Variants in MYH3 observed in about 807,000 individuals in gnomAD.
The protein encoded by MYH3 is myosin heavy chain 3.
Under a neutral mutation model 238.0 loss-of-function variants are expected in MYH3, and 130 were observed. The observed-to-expected ratio is 0.55, with a 90% CI of 0.47 to 0.63. The LOEUF (loss-of-function observed/expected upper bound fraction) is 0.63, where lower values mean the gene tolerates loss of function less well. Ranked by LOEUF, MYH3 falls within the 30% of genes least tolerant of loss-of-function variation. The pLI, the probability that MYH3 is intolerant of heterozygous loss-of-function variation, is 0.00. For synonymous variants in MYH3, 880 were observed against 924.1 expected (o/e 0.95, Z 0.86); for missense variants, 1,853 against 2,374.9 (o/e 0.78, Z 4.57).
intron 3 of MYH3, among the ~76,000 whole-genome samples, chr17:10,652,918 G>C (rs2074392748): frequency 6.6e-6 from 1 of 152,042 alleles, no homozygotes; most frequent in Non-Finnish European, 1.5e-5. Context: ...ACCGTGCCTG[G>C]CCTGTCTGCA....
In MYH3 at chr17:10,629,225, T is replaced by C. The variant is rs56276990; in HGVS notation, c.5796+372A>G. ...CCCCGGTGTGTGATGTTCCCCTCCC[T>C]GTGTCCACGTGTTCTCACTGTTCAA... On this transcript the variant is annotated intron_variant, in intron 40 of 40. Transcript: ENST00000583535. Among the ~76,000 whole-genome samples, 918 of 151,516 alleles carry C rather than the reference T, an allele frequency of 6.1e-3. 7 individuals are homozygous for C. The highest frequency in any genetic ancestry group is 0.01 in the Non-Finnish European group (686 of 67,844).
At chr17:10,660,126 T>C (rs957684005), upstream of MYH3, among the ~76,000 whole-genome samples, 16 of 152,330 alleles carry the variant, frequency 1.1e-4, no homozygotes, top group African/African-American at 3.8e-4. Context: ...CTTCGTCTTC[T>C]CCTCTGTAAA....
At position 10,646,736 on chromosome 17, in the gene MYH3, C is replaced by T. The variant is rs538773553; in HGVS notation, c.898+446G>A. The stretch of plus-strand genomic sequence containing the variant: ...ATTGGCATGTCACTGCCCAGATAGC[C>T]ACATCCCATTTCTAAAATAAGCTTT... On this transcript the variant is annotated intron_variant, in intron 10 of 40. Transcript: ENST00000583535. 1.5e-3 allele frequency among the ~76,000 whole-genome samples: 222 copies of T among 151,974 alleles called. 2 individuals carry two copies. Among genetic ancestry groups the T allele is most frequent in the African/African-American group, 5.2e-3 (214 of 41,290 alleles).
chr17:10,660,229 A>G (rs564177463), upstream of MYH3, among the ~76,000 whole-genome samples: 22 of 152,340 alleles, frequency 1.4e-4, no homozygotes, highest in South Asian at 3.7e-3. Context: ...TGTGTTTGGT[A>G]CATTGCAGGT....
chr17:10,632,331 C>A lies in MYH3; in HGVS notation c.4956+145G>T. On this transcript the variant is annotated intron_variant, in intron 34 of 40. Coordinates refer to ENST00000583535, the MANE Select transcript of MYH3 (RefSeq NM_002470.4). Reference sequence around the variant, plus strand: ...ATAAGGTTTTGCTATATTGCCCAGGCTGGTATCAAACTCCTGGGCTCAAGT... The same window carrying A: ...ATAAGGTTTTGCTATATTGCCCAGGATGGTATCAAACTCCTGGGCTCAAGT... The A allele has an allele frequency of 7.2e-6, 7 of 972,752 alleles. 1 individual carries two copies. The South Asian group carries it at 9.2e-5, about 13-fold the overall frequency. 60.3% of individuals were successfully genotyped at this position (972,752 alleles called of 1,614,324 possible). A position where few individuals can be genotyped will look rare whatever the true frequency, so the allele number is the denominator to read the frequency against.
rs763805673 is a variant in MYH3, at chr17:10,631,920, C to T, written c.5053G>A (p.Glu1685Lys). The T allele has an allele frequency of 3.7e-6, 6 of 1,614,150 alleles. No individual in the cohort carries two copies. Among genetic ancestry groups the T allele is most frequent in the South Asian group, 2.2e-5 (2 of 91,082 alleles). ...VERRANLLQA[E>K]VEELRATLEQ... ...AGAGTAGCCCGCAGCTCCTCCACCT[C>T]GGCCTGCAGCAGGTTGGCTCTGCGC... Residue 1685 changes from glutamate (E) to lysine (K), a missense_variant, in exon 35 of 41, where the codon GAG (glutamate) becomes AAG (lysine). Around this residue, in one of 3 missense-constraint regions of MYH3, gnomAD observed 1,044 missense variants for 1,192.6 expected, o/e 0.88. Coordinates refer to ENST00000583535, the MANE Select transcript of MYH3 (RefSeq NM_002470.4).
chr17:10,643,014 C>T lies in MYH3; in HGVS notation c.1411-18G>A. ...CTGTTATACTAATAAAAAAATACAA[C>T]ATTCATGTGAAAAGTTAGACTTCTT... On this transcript the variant is annotated intron_variant, in intron 14 of 40. Transcript: ENST00000583535. 6.2e-7 allele frequency: 1 copy of T among 1,614,162 alleles called. No homozygotes were observed. Among genetic ancestry groups the T allele is most frequent in the South Asian group, 1.1e-5 (1 of 91,080 alleles).
At chr17:10,658,097 G>C (rs578197957), upstream of MYH3, among the ~76,000 whole-genome samples, 2 of 152,274 alleles carry the variant, frequency 1.3e-5, no homozygotes, top group Non-Finnish European at 2.9e-5. Flanking sequence ...CCAGCTGCTG[G>C]CTGGGATGGG....
At chr17:10,657,414 A>G (rs1405331896), upstream of MYH3, 1 of 152,328 alleles carries the variant, frequency 6.6e-6, no homozygotes, top group Non-Finnish European at 1.5e-5. Context: ...CCAAGCCGAG[A>G]ACCAGCTTCT....
intron 2 of MYH3, 109 bp from the exon 3 acceptor site, chr17:10,655,181 CAG>C (rs1435285729): frequency 1.6e-5 from 14 of 871,174 alleles, no homozygotes. Context: ...CAGGAGCCCT[CAG>C]AGTCAGGGCC....
chr17:10,657,850 C>T (rs2074449269), upstream of MYH3, among the ~76,000 whole-genome samples: 1 of 151,816 alleles, frequency 6.6e-6, no homozygotes, highest in Admixed American at 6.6e-5. Context: ...GCAATAATTC[C>T]CCTCCCCCCT....
the MYH3 span, chr17:10,677,584 T>TA: frequency 9.2e-5 from 14 of 152,236 alleles, no homozygotes; most frequent in African/African-American, 3.4e-4. Flanking sequence ...TTAAAATCAT[T>TA]AGCCTCCCAA....
Position 10,652,580 on chromosome 17 carries a change from A to C in MYH3, c.205-17T>G, listed in dbSNP as rs778062236. 61 of 1,419,224 alleles carry C rather than the reference A, an allele frequency of 4.3e-5. No individual in the cohort carries two copies. Among genetic ancestry groups the C allele is most frequent in the Non-Finnish European group, 2.1e-5 (22 of 1,030,452 alleles). The allele number at this position is 1,419,224 out of a possible 1,614,324, so 87.9% of individuals were successfully genotyped here. A position where few individuals can be genotyped will look rare whatever the true frequency, so the allele number is the denominator to read the frequency against. ...CACCAGGGTCTAAAAAGGAAGAGGC[A>C]CAGTGCTTCACTAAGATGGTCTGCA... On this transcript the variant is annotated splice_polypyrimidine_tract_variant and intron_variant, in intron 3 of 40. Coordinates refer to ENST00000583535, the MANE Select transcript of MYH3 (RefSeq NM_002470.4).
upstream of MYH3, among the ~76,000 whole-genome samples, chr17:10,661,104 G>C (rs1284112309): frequency 6.6e-6 from 1 of 151,606 alleles, no homozygotes; most frequent in Non-Finnish European, 1.5e-5. Flanking sequence ...AGCCTCCCGA[G>C]TAGCTGGGAC....
chr17:10,659,233 C>T (rs539102123), upstream of MYH3, among the ~76,000 whole-genome samples: 8 of 152,320 alleles, frequency 5.3e-5, no homozygotes, highest in Non-Finnish European at 1.2e-4. Flanking sequence ...AAGAAATATT[C>T]CCTTCAACAT....
At chr17:10,640,716 A>G (rs777343387) in intron 19 of MYH3, 30 bp from the exon 20 acceptor site, 1 of 1,611,574 alleles carries the variant, frequency 6.2e-7, no homozygotes, top group Non-Finnish European at 8.5e-7. Context: ...ATCATCACAG[A>G]CTGTTGGCAA....
In MYH3 at chr17:10,654,176, TG is replaced by T. The variant is rs2074405924; in HGVS notation, c.204+684del. 6.6e-6 allele frequency among the ~76,000 whole-genome samples: 1 copy of T among 151,228 alleles called. No homozygotes were observed. The highest frequency in any genetic ancestry group is 6.7e-5 in the Admixed American group (1 of 15,010). ...CTCTTTCTTTCTTTCCTTCCTTCCT[TG>T]CTTTCTTTCTTCCTTCTTTCTTTCC... On this transcript the variant is annotated intron_variant, in intron 3 of 40. Transcript: ENST00000583535. The surrounding 1 kb of genome is among the most constrained non-coding windows in gnomAD (Gnocchi z 4.5).
intron 6 of MYH3, 120 bp from the exon 7 acceptor site, chr17:10,649,805 A>G (rs1365202060): frequency 1.1e-6 from 1 of 887,244 alleles, no homozygotes; most frequent in Middle Eastern, 2.5e-4. Flanking sequence ...CACTCACCAC[A>G]CTAATGTGAC....
At chr17:10,632,421 C>T (rs2074171721) in intron 34 of MYH3, 55 bp downstream of exon 34, 1 of 1,578,998 alleles carries the variant, frequency 6.3e-7, no homozygotes. Context: ...GCCCAGCCTA[C>T]ATTTCTGAGT....
Sources: gnomAD v4.1 joint callset for allele counts (sites outside exome capture counted in the v4.1 genomes callset) on GRCh38, gnomAD v4.1.1 for gene constraint, gnomAD v4.1.1 regional missense constraint, Gnocchi (gnomAD v3.1) non-coding constraint, MANE v1.5 for transcripts, NCBI Gene and HGNC (gene_info 2026-07-23, HGNC 2026-07-21) for gene names.